ACAT2: variants seen among roughly 807,000 people sequenced by gnomAD.
ACAT2 encodes the protein acetyl-CoA acetyltransferase, cytosolic.
In ACAT2, 26 loss-of-function variants were observed where a neutral mutation model predicts 37.1. That is an observed-to-expected ratio of 0.70 (90% CI 0.51 to 0.97). ACAT2 has a LOEUF of 0.97. ACAT2 is among the 50% of genes least tolerant of loss of function. ACAT2 has a pLI of 0.00. For missense variants in ACAT2, 468 were observed against 489.0 expected, an observed-to-expected ratio of 0.96 and a Z score of 0.40; for synonymous variants, 156 against 163.6, an observed-to-expected ratio of 0.95 and a Z score of 0.35.
At chr6:159,762,405 C>T (rs1562473955) in intron 1 of ACAT2, 26 of 1,375,040 alleles carry the variant, frequency 1.9e-5, no homozygotes, top group East Asian at 5.6e-5. Context: ...GCGTGGCCTG[C>T]CTCTCCCATT....
chr6:159,767,085 A>T lies in ACAT2; in HGVS notation c.271A>T (p.Ile91Phe). 1 of 1,614,204 alleles carries T rather than the reference A, an allele frequency of 6.2e-7. No homozygotes were observed. Among genetic ancestry groups the T allele is most frequent in the Non-Finnish European group, 8.5e-7 (1 of 1,180,016 alleles). ...YSVPAWSCQM[I>F]CGSGLKAVCL... Reference sequence around the variant, plus strand: ...TGTTCCAGCATGGAGCTGCCAGATGATCTGTGGGTCAGGCCTAAAAGCTGT... The same window carrying T: ...TGTTCCAGCATGGAGCTGCCAGATGTTCTGTGGGTCAGGCCTAAAAGCTGT... The change falls in exon 3 of 9, where the codon ATC becomes TTC. Residue 91 changes from isoleucine to phenylalanine, a missense_variant. Coordinates refer to ENST00000367048, the MANE Select transcript of ACAT2 (RefSeq NM_005891.3).
intron 4 of ACAT2, among the ~76,000 whole-genome samples, chr6:159,772,682 T>C (rs1133785): frequency 0.46 from 69,530 of 151,832 alleles, 18,084 homozygotes; most frequent in Non-Finnish European, 0.58. Flanking sequence ...TCCCAGCTAC[T>C]AGGGAGGCTG....
chr6:159,778,716 C>G lies in ACAT2; in HGVS notation c.1081C>G (p.Arg361Gly). Residue 361 changes from arginine (R) to glycine (G), a missense_variant, in exon 9 of 9, where the codon CGA (arginine) becomes GGA (glycine). Transcript: ENST00000367048. ...CCACCCTCTTGGAGCATCTGGCTGT[C>G]GAATTCTTGTGACCCTGTTACACAC... ...LGHPLGASGC[R>G]ILVTLLHTLE... 2 of 1,614,168 alleles carry G rather than the reference C, an allele frequency of 1.2e-6. No homozygotes were observed. Among genetic ancestry groups the G allele is most frequent in the East Asian group, 2.2e-5 (1 of 44,878 alleles).
rs1246143721 is a variant in ACAT2, at chr6:159,777,225, TC to T, written c.758-76del. 4 of 1,476,850 alleles carry T rather than the reference TC, an allele frequency of 2.7e-6. No individual in the cohort carries two copies. In the African/African-American group the frequency reaches 5.6e-5, roughly 21 times the overall value. The allele number at this position is 1,476,850 out of a possible 1,614,324, so 91.5% of individuals were successfully genotyped here. A position where few individuals can be genotyped will look rare whatever the true frequency, so the allele number is the denominator to read the frequency against. The stretch of plus-strand genomic sequence containing the variant: ...AGGTAAAATCATTTAACTCATGTCT[TC>T]AGGTGGTAAAGAAGCCACAGATATG... On this transcript the variant is annotated intron_variant, in intron 6 of 8. Coordinates refer to ENST00000367048, the MANE Select transcript of ACAT2 (RefSeq NM_005891.3).
intron 8 of ACAT2, 178 bp from the exon 9 acceptor site, chr6:159,778,481 G>T: frequency 1.3e-6 from 1 of 766,090 alleles, no homozygotes. Context: ...AAAGGAACGA[G>T]GTAAGATAGG....
chr6:159,772,903 G>A (rs1446580773), intron 4 of ACAT2, among the ~76,000 whole-genome samples: 3 of 152,040 alleles, frequency 2.0e-5, no homozygotes, highest in Admixed American at 6.6e-5. Context: ...GTGTGGAGAC[G>A]GGTCTCACTC....
chr6:159,771,523 G>A (rs1271897160), intron 4 of ACAT2, among the ~76,000 whole-genome samples: 1 of 152,052 alleles, frequency 6.6e-6, no homozygotes, highest in Non-Finnish European at 1.5e-5. Flanking sequence ...TCCACATTTG[G>A]TGTGAAAAGA....
intron 1 of ACAT2, chr6:159,762,376 C>A: frequency 7.3e-7 from 1 of 1,363,808 alleles, no homozygotes; most frequent in Non-Finnish European, 9.6e-7. Context: ...CTTGGATTGG[C>A]TCCCGGGGTA....
chr6:159,763,303 AG>A (rs1434210203), intron 2 of ACAT2, among the ~76,000 whole-genome samples: 1 of 152,164 alleles, frequency 6.6e-6, no homozygotes, highest in Non-Finnish European at 1.5e-5. Flanking sequence ...CTGTAATCCC[AG>A]CACTTTGGGA....
chr6:159,762,219 T>C, intron 1 of ACAT2, 77 bp downstream of exon 1: 1 of 1,506,524 alleles, frequency 6.6e-7, no homozygotes, highest in South Asian at 1.2e-5. Context: ...CGGACTTGTG[T>C]AGGAGAGGGG....
In ACAT2 at chr6:159,779,071, C is replaced by T. The variant is rs757318014; in HGVS notation, c.*242C>T. On this transcript the variant is annotated 3_prime_UTR_variant, in exon 9 of 9. Coordinates refer to ENST00000367048, the MANE Select transcript of ACAT2 (RefSeq NM_005891.3). ...CAATCATTAAGGGCTCCAGAGTGAA[C>T]AGCATCTTCATAACTTCCATGTTTA... 1.2e-6 allele frequency: 2 copies of T among 1,613,956 alleles called. No individual in the cohort carries two copies. Among genetic ancestry groups the T allele is most frequent in the South Asian group, 1.1e-5 (1 of 91,080 alleles).
intron 4 of ACAT2, among the ~76,000 whole-genome samples, chr6:159,772,883 T>TTG (rs1220421862): frequency 1.3e-5 from 2 of 152,072 alleles, no homozygotes; most frequent in African/African-American, 4.8e-5. Flanking sequence ...AATAACTTTT[T>TTG]TGTGTGTGTG....
intron 6 of ACAT2, 98 bp downstream of exon 6, chr6:159,776,370 T>C: frequency 3.6e-6 from 5 of 1,406,108 alleles, no homozygotes; most frequent in Middle Eastern, 4.0e-4. Context: ...GTACTATTTT[T>C]TGGGACAGGG....
rs1477013805 is a variant in ACAT2, at chr6:159,762,907, T to C, written c.56-12T>C. 7.5e-6 allele frequency: 12 copies of C among 1,608,960 alleles called. No homozygotes were observed. The highest frequency in any genetic ancestry group is 1.3e-5 in the African/African-American group (1 of 74,698). On this transcript the variant is annotated splice_polypyrimidine_tract_variant and intron_variant, in intron 1 of 8. Transcript: ENST00000367048. The stretch of plus-strand genomic sequence containing the variant: ...GCTTGTGATGTCCACGCTCTCCGCC[T>C]TTCTATTGTAGGTTCCTTCAATGGT...
At chr6:159,778,548 T>C (rs1780486152) in intron 8 of ACAT2, 111 bp from the exon 9 acceptor site, 3 of 1,225,988 alleles carry the variant, frequency 2.4e-6, no homozygotes, top group African/African-American at 3.0e-5. Context: ...AAATGAAAAT[T>C]TGAGTTTGAA....
At chr6:159,774,834 A>G (rs1465283433) in intron 4 of ACAT2, among the ~76,000 whole-genome samples, 4 of 152,258 alleles carry the variant, frequency 2.6e-5, no homozygotes, top group Non-Finnish European at 5.9e-5. Context: ...GTAAGAAGGC[A>G]TTGTATCTCC....
chr6:159,762,567 G>A (rs535639131), intron 1 of ACAT2: 4 of 1,341,216 alleles, frequency 3.0e-6, no homozygotes, highest in Non-Finnish European at 2.9e-6. Flanking sequence ...GCTAGAAGTC[G>A]TGACTTCGTC....
chr6:159,768,430 T>C, intron 3 of ACAT2, 81 bp from the exon 4 acceptor site: 2 of 1,037,310 alleles, frequency 1.9e-6, no homozygotes, highest in Non-Finnish European at 3.0e-6. Context: ...ACTTAGGAAA[T>C]ACTAGATAGT....
intron 2 of ACAT2, among the ~76,000 whole-genome samples, chr6:159,766,626 C>G (rs2114977522): frequency 6.6e-6 from 1 of 152,304 alleles, no homozygotes; most frequent in Admixed American, 6.5e-5. Context: ...GTCTCAAACT[C>G]CCGACCTCAG....
Sources: gnomAD v4.1 joint callset for allele counts (sites outside exome capture counted in the v4.1 genomes callset) on GRCh38, gnomAD v4.1.1 for gene constraint, MANE v1.5 for transcripts, NCBI Gene and HGNC (gene_info 2026-07-23, HGNC 2026-07-21) for gene names.